Variants in PHF3 observed in about 807,000 individuals in gnomAD.
The protein encoded by PHF3 is PHD finger protein 3.
In PHF3, 41 loss-of-function variants were observed where a neutral mutation model predicts 178.4. The observed-to-expected ratio is 0.23, with a 90% CI of 0.18 to 0.30. The LOEUF (loss-of-function observed/expected upper bound fraction) is 0.30. Among genes scored for constraint, PHF3 ranks in the 10% least tolerant of loss-of-function variants. The pLI, the probability that PHF3 is intolerant of heterozygous loss-of-function variation, is 1.00. For missense variants in PHF3, 2,346 were observed against 2,398.1 expected (o/e 0.98, Z 0.45); for synonymous variants, 842 against 800.5 (o/e 1.05, Z -0.88).
Position 63,673,501 on chromosome 6 carries a change from T to C in PHF3, c.245-6499T>C, listed in dbSNP as rs35984090. ...ACTGCTTATTCCACGAAATACCTAA[T>C]AACAGGATAAGCAAGACCTAGCTCA... is the stretch of plus-strand genomic sequence containing the variant. On this transcript the variant is annotated intron_variant, in intron 2 of 15. Transcript: ENST00000262043. Among the ~76,000 whole-genome samples the C allele has an allele frequency of 6.4e-3, 969 of 152,276 alleles. 9 individuals carry two copies. The highest frequency in any genetic ancestry group is 0.022 in the African/African-American group (906 of 41,556).
At chr6:63,681,971 T>C (rs1481428680) in intron 3 of PHF3, among the ~76,000 whole-genome samples, 6 of 152,120 alleles carry the variant, frequency 3.9e-5, no homozygotes, top group African/African-American at 1.4e-4. Context: ...TTTCCATAAC[T>C]TATTAGATTG....
intron 2 of PHF3, among the ~76,000 whole-genome samples, chr6:63,651,570 C>T (rs1373400966): frequency 6.6e-6 from 1 of 152,122 alleles, no homozygotes. Flanking sequence ...CCATGTTGAC[C>T]AGGCTGGTCT....
chr6:63,713,476 A>T lies in PHF3; in HGVS notation c.5888A>T (p.Glu1963Val). 6.2e-7 allele frequency: 1 copy of T among 1,613,904 alleles called. No homozygotes were observed. Residue 1963 changes from glutamate (E) to valine (V), a missense_variant, in exon 16 of 16, where the codon GAG (glutamate) becomes GTG (valine). Glu to Val is a moderately radical substitution (Grantham distance 121). This residue lies in a region of PHF3 where 839 missense variants were observed against 806.9 expected (regional missense o/e 1.04). Coordinates refer to ENST00000262043, the MANE Select transcript of PHF3 (RefSeq NM_001370348.2). Reference protein sequence around the residue: ...QDKDRDRKSREEGHKDKERAR... With the variant: ...QDKDRDRKSRVEGHKDKERAR... Reference sequence around the variant, plus strand: ...AAGGACAGAGACAGAAAAAGCAGGGAGGAAGGGCACAAAGATAAAGAGAGG... The same window carrying T: ...AAGGACAGAGACAGAAAAAGCAGGGTGGAAGGGCACAAAGATAAAGAGAGG...
chr6:63,679,463 C>T (rs1239975051), intron 2 of PHF3, among the ~76,000 whole-genome samples: 2 of 134,442 alleles, frequency 1.5e-5, no homozygotes, highest in African/African-American at 5.0e-5. Context: ...TTTTTTTCCT[C>T]TCTCTGTTTT....
intron 4 of PHF3, among the ~76,000 whole-genome samples, chr6:63,686,738 T>C (rs1388488660): frequency 3.3e-5 from 5 of 152,248 alleles, no homozygotes; most frequent in African/African-American, 7.2e-5. Flanking sequence ...AATGCTGATA[T>C]GATAAAAGAA....
chr6:63,706,357 C>A, intron 12 of PHF3, 133 bp downstream of exon 12: 1 of 652,604 alleles, frequency 1.5e-6, no homozygotes, highest in Non-Finnish European at 2.5e-6. Flanking sequence ...CTTTCCTGTA[C>A]TTTGAGATAA....
Position 63,684,451 on chromosome 6 carries a change from G to T in PHF3, c.729G>T (p.Pro243=). 6 of 1,613,820 alleles carry T rather than the reference G, an allele frequency of 3.7e-6. No individual in the cohort carries two copies. Among genetic ancestry groups the T allele is most frequent in the Non-Finnish European group, 5.1e-6 (6 of 1,179,750 alleles). ...ATTCTAAGCATAAGTGTAATAATCC[G>T]GGAGAAATAGATGTGCCATCTCATG... ...GLDSKHKCNN[P]GEIDVPSHEL... The change falls in exon 4 of 16, where the codon CCG becomes CCT. Residue 243 remains proline, a synonymous_variant. Coordinates refer to ENST00000262043, the MANE Select transcript of PHF3 (RefSeq NM_001370348.2).
At chr6:63,639,148 A>G (rs758398092) in intron 1 of PHF3, among the ~76,000 whole-genome samples, 10 of 152,180 alleles carry the variant, frequency 6.6e-5, no homozygotes, top group Admixed American at 5.2e-4. Context: ...TTAAAATTTT[A>G]TGACTATTAT....
chr6:63,679,996 C>G lies in PHF3; in HGVS notation c.245-4C>G, dbSNP rs565834322. ...AAGTTAATTTTTTTGTCGTTTTTTT[C>G]TAGTTGTTGGTCTTGACGATATTAT... On this transcript the variant is annotated splice_polypyrimidine_tract_variant and splice_region_variant and intron_variant, in intron 2 of 15. Transcript: ENST00000262043. The G allele has an allele frequency of 6.2e-6, 10 of 1,604,140 alleles. No homozygotes were observed. The highest frequency in any genetic ancestry group is 2.7e-5 in the African/African-American group (2 of 74,066).
At chr6:63,639,245 T>C (rs1259589904) in intron 1 of PHF3, among the ~76,000 whole-genome samples, 4 of 152,174 alleles carry the variant, frequency 2.6e-5, no homozygotes, top group African/African-American at 9.6e-5. Context: ...AATCTAACTT[T>C]ATTAGACAGT....
chr6:63,697,021 C>T (rs566898579), intron 6 of PHF3, among the ~76,000 whole-genome samples: 1 of 151,868 alleles, frequency 6.6e-6, no homozygotes, highest in South Asian at 2.1e-4. Context: ...GATATCATAG[C>T]ATGTTTGTAA....
chr6:63,671,584 C>G (rs1409120238), intron 2 of PHF3, among the ~76,000 whole-genome samples: 3 of 152,092 alleles, frequency 2.0e-5, no homozygotes, highest in Non-Finnish European at 4.4e-5. Flanking sequence ...TTTTGAAAAT[C>G]CTAGGCAAGT....
intron 4 of PHF3, among the ~76,000 whole-genome samples, chr6:63,688,013 T>C (rs1766791182): frequency 6.6e-6 from 1 of 151,800 alleles, no homozygotes; most frequent in East Asian, 2.0e-4. Flanking sequence ...TGAAACCCCG[T>C]CTCTACTAAA....
chr6:63,664,432 TATTTC>T (rs1254379881), intron 2 of PHF3, among the ~76,000 whole-genome samples: 4 of 152,194 alleles, frequency 2.6e-5, no homozygotes, highest in Non-Finnish European at 5.9e-5. Context: ...GTATTGGAGA[TATTTC>T]ATTAAGGTAA....
chr6:63,697,609 A>T (rs1319682864), intron 6 of PHF3, among the ~76,000 whole-genome samples: 1 of 152,324 alleles, frequency 6.6e-6, no homozygotes, highest in East Asian at 1.9e-4. Context: ...ACACATGTTT[A>T]AAAGAGAGAG....
At position 63,698,460 on chromosome 6, in the gene PHF3, C is replaced by T; in HGVS notation, c.2837C>T (p.Ser946Leu). ...GTTCTAATTTTAAGACTTACAGACT[C>T]AAATTTGAAGGTACCAGAGGAAAAG... ...KDILMKRLTD[S>L]NLKVPEEKAA... is the part of the protein sequence containing the mutation. The change falls in exon 8 of 16, where the codon TCA becomes TTA. Residue 946 changes from serine to leucine, a missense_variant. By Grantham distance (145) the Ser-to-Leu change is moderately radical. Transcript: ENST00000262043. 6.3e-7 allele frequency: 1 copy of T among 1,591,816 alleles called. No homozygotes were observed. Among genetic ancestry groups the T allele is most frequent in the Non-Finnish European group, 8.5e-7 (1 of 1,171,416 alleles).
rs1342201418 is a variant in PHF3, at chr6:63,715,248, T to TA, written c.*1541dup. ...TTCCCTATCCTTATCCTGTGAAACT[T>TA]ACTATCATAAGGTTCTAAAACAGAG... On this transcript the variant is annotated 3_prime_UTR_variant, in exon 16 of 16. Coordinates refer to ENST00000262043, the MANE Select transcript of PHF3 (RefSeq NM_001370348.2). 6.6e-6 allele frequency: 1 copy of TA among 152,152 alleles called. No homozygotes were observed. The highest frequency in any genetic ancestry group is 1.9e-4 in the East Asian group (1 of 5,200). 9.4% of individuals were successfully genotyped at this position (152,152 alleles called of 1,614,324 possible). A position where few individuals can be genotyped will look rare whatever the true frequency, so the allele number is the denominator to read the frequency against.
chr6:63,690,122 CTG>C (rs1766931160), intron 4 of PHF3, among the ~76,000 whole-genome samples: 1 of 152,116 alleles, frequency 6.6e-6, no homozygotes, highest in South Asian at 2.1e-4. Context: ...GCTAGAATAT[CTG>C]TATCATTATG....
intron 2 of PHF3, among the ~76,000 whole-genome samples, chr6:63,655,178 C>T (rs1333022806): frequency 6.6e-6 from 1 of 152,132 alleles, no homozygotes; most frequent in Non-Finnish European, 1.5e-5. Flanking sequence ...ATTCTCCTGC[C>T]TCAGCCTCCT....
Sources: allele counts gnomAD v4.1 joint callset (sites outside exome capture counted in the v4.1 genomes callset), GRCh38; gene constraint gnomAD v4.1.1; regional missense constraint gnomAD v4.1.1; transcripts MANE v1.5; gene names NCBI Gene and HGNC (gene_info 2026-07-23, HGNC 2026-07-21).